Variants in ZNHIT6 observed in about 807,000 individuals in gnomAD.
ZNHIT6 encodes zinc finger HIT-type containing 6.
Under a neutral mutation model 57.2 loss-of-function variants are expected in ZNHIT6, and 45 were observed. The ratio of observed to expected loss-of-function variants is 0.79; its 90% CI spans 0.62 to 1.01. The LOEUF is 1.01. Ranked by LOEUF, ZNHIT6 falls within the 50% of genes least tolerant of loss-of-function variation. The pLI, the probability that ZNHIT6 is intolerant of heterozygous loss-of-function variation, is 0.00. For missense variants in ZNHIT6, 528 were observed against 567.3 expected (o/e 0.93, Z 0.70); for synonymous variants, 188 against 190.0 (o/e 0.99, Z 0.09).
At chr1:85,667,961 AAT>A (rs1553155849) in intron 8 of ZNHIT6, among the ~76,000 whole-genome samples, 21 of 18,174 alleles carry the variant, frequency 1.2e-3, no homozygotes, top group South Asian at 2.5e-3. Context: ...AAAAAAAAAA[AAT>A]ATATATATAT....
Position 85,708,010 on chromosome 1 carries a change from A to C in ZNHIT6, c.275T>G (p.Leu92Trp). The change falls in exon 1 of 10, where the codon TTG (leucine) becomes TGG (tryptophan). Residue 92 changes from leucine to tryptophan, a missense_variant. Transcript: ENST00000370574. ...IIDWPGTEGR[L>W]AGQWVEQEVE... ...CTCCTGTTCTACCCACTGGCCAGCCAACCTGCCTTCTGTACCTGGCCAGTC... is the reference window on the plus strand; with the variant it reads ...CTCCTGTTCTACCCACTGGCCAGCCCACCTGCCTTCTGTACCTGGCCAGTC... 1.2e-6 allele frequency: 2 copies of C among 1,614,050 alleles called. No individual in the cohort carries two copies. The highest frequency in any genetic ancestry group is 1.7e-6 in the Non-Finnish European group (2 of 1,179,996).
At chr1:85,681,227 T>C (rs547687510) in intron 5 of ZNHIT6, among the ~76,000 whole-genome samples, 1 of 152,326 alleles carries the variant, frequency 6.6e-6, no homozygotes, top group East Asian at 1.9e-4. Flanking sequence ...ATGTCTTTGC[T>C]TGACTAGTCT....
At chr1:85,659,769 A>T (rs1027749122) in intron 8 of ZNHIT6, among the ~76,000 whole-genome samples, 13 of 152,344 alleles carry the variant, frequency 8.5e-5, no homozygotes, top group Admixed American at 2.0e-4. Flanking sequence ...GGAAAAATAT[A>T]AAAGTGCTTA....
Position 85,672,992 on chromosome 1 carries a change from T to A in ZNHIT6, c.1247+4244A>T, listed in dbSNP as rs72946652. ...ATAAATTCTTCAGTCAGTAGTAACT[T>A]AAGTGGGCAGTAATACAACAGCTGC... is the stretch of plus-strand genomic sequence containing the variant. On this transcript the variant is annotated intron_variant, in intron 8 of 9. Coordinates refer to ENST00000370574, the MANE Select transcript of ZNHIT6 (RefSeq NM_017953.4). Among the ~76,000 whole-genome samples the A allele has an allele frequency of 2.6e-3, 395 of 152,324 alleles. 2 individuals carry two copies. Among genetic ancestry groups the A allele is most frequent in the African/African-American group, 8.8e-3 (364 of 41,562 alleles).
chr1:85,684,939 A>G (rs906899237), intron 5 of ZNHIT6, among the ~76,000 whole-genome samples: 2 of 152,208 alleles, frequency 1.3e-5, no homozygotes, highest in Admixed American at 1.3e-4. Context: ...CTAATGTCAC[A>G]ATAAGATGTT....
At chr1:85,687,976 G>A (rs1662111817) in intron 5 of ZNHIT6, among the ~76,000 whole-genome samples, 1 of 151,450 alleles carries the variant, frequency 6.6e-6, no homozygotes, top group South Asian at 2.1e-4. Flanking sequence ...CCCGGAGACA[G>A]AGGTTGCAGT....
At chr1:85,660,126 C>A (rs1343649761) in intron 8 of ZNHIT6, among the ~76,000 whole-genome samples, 3 of 151,370 alleles carry the variant, frequency 2.0e-5, no homozygotes, top group African/African-American at 7.3e-5. Flanking sequence ...AAGTTAGTAG[C>A]AATTATATAA....
At chr1:85,700,239 T>C (rs147534785) in intron 5 of ZNHIT6, among the ~76,000 whole-genome samples, 2,782 of 152,290 alleles carry the variant, frequency 0.018, 37 homozygotes, top group Non-Finnish European at 0.032. Flanking sequence ...TTACTGCCTA[T>C]GTGAATTAAT....
chr1:85,707,604 C>G, intron 1 of ZNHIT6, 25 bp downstream of exon 1: 2 of 1,528,334 alleles, frequency 1.3e-6, no homozygotes, highest in Non-Finnish European at 1.7e-6. Context: ...CTTTATTCCC[C>G]TAAATGGAAT....
intron 4 of ZNHIT6, among the ~76,000 whole-genome samples, chr1:85,704,627 AAAGT>A (rs1662629141): frequency 6.6e-6 from 1 of 152,194 alleles, no homozygotes; most frequent in Non-Finnish European, 1.5e-5. Context: ...AAAAAATTGT[AAAGT>A]AATTTATCTT....
At chr1:85,687,862 G>C (rs1461817924) in intron 5 of ZNHIT6, among the ~76,000 whole-genome samples, 1 of 152,004 alleles carries the variant, frequency 6.6e-6, no homozygotes, top group Non-Finnish European at 1.5e-5. Flanking sequence ...GGCCAACATG[G>C]TGAAACCCTG....
At chr1:85,676,150 A>G (rs534985831) in intron 8 of ZNHIT6, among the ~76,000 whole-genome samples, 1 of 152,082 alleles carries the variant, frequency 6.6e-6, no homozygotes, top group East Asian at 1.9e-4. Flanking sequence ...CAGCCTGACC[A>G]ACATGGAGAA....
intron 7 of ZNHIT6, among the ~76,000 whole-genome samples, chr1:85,677,915 C>G (rs934066580): frequency 5.9e-5 from 9 of 152,300 alleles, no homozygotes; most frequent in Admixed American, 3.3e-4. Context: ...ACTCTAATAA[C>G]AATCTCCGTT....
chr1:85,658,829 C>A (rs1361572123), intron 8 of ZNHIT6, among the ~76,000 whole-genome samples: 3 of 151,886 alleles, frequency 2.0e-5, no homozygotes, highest in Non-Finnish European at 4.4e-5. Context: ...CAAGATCGTG[C>A]CACTGCACTC....
intron 5 of ZNHIT6, among the ~76,000 whole-genome samples, chr1:85,698,932 A>G (rs574527049): frequency 2.0e-5 from 3 of 152,208 alleles, no homozygotes; most frequent in Admixed American, 2.0e-4. Flanking sequence ...TTGTCACTGT[A>G]TATTATTTAG....
chr1:85,692,561 ACCTATTATATAATC>A (rs1167943948), intron 5 of ZNHIT6, among the ~76,000 whole-genome samples: 1 of 152,204 alleles, frequency 6.6e-6, no homozygotes, highest in African/African-American at 2.4e-5. Flanking sequence ...TGTACTGGGC[ACCTATTATATAATC>A]CCCCAAAGCT....
intron 8 of ZNHIT6, among the ~76,000 whole-genome samples, chr1:85,676,751 C>A (rs375538632): frequency 3.3e-5 from 5 of 151,908 alleles, no homozygotes; most frequent in East Asian, 3.8e-4. Context: ...ACAGAAGTAA[C>A]ATTAAAGTGT....
At chr1:85,658,176 TA>T (rs199887734) in intron 8 of ZNHIT6, among the ~76,000 whole-genome samples, 63 of 151,676 alleles carry the variant, frequency 4.2e-4, no homozygotes, top group East Asian at 3.9e-4. Flanking sequence ...TAAAACTAAA[TA>T]AAAAAAAATC....
intron 8 of ZNHIT6, among the ~76,000 whole-genome samples, chr1:85,673,110 G>C (rs911719877): frequency 2.5e-4 from 38 of 152,078 alleles, no homozygotes; most frequent in African/African-American, 8.9e-4. Context: ...TAAGAAATAA[G>C]GCGGCAAAGG....
Sources: allele counts gnomAD v4.1 joint callset (sites outside exome capture counted in the v4.1 genomes callset), GRCh38; gene constraint gnomAD v4.1.1; transcripts MANE v1.5; gene names NCBI Gene and HGNC (gene_info 2026-07-23, HGNC 2026-07-21).